XIRP1: variants seen among roughly 807,000 people sequenced by gnomAD.
XIRP1 encodes xin actin binding repeat containing 1.
For missense variants in XIRP1, 2,378 were observed against 2,345.4 expected (o/e 1.01, Z -0.29); for synonymous variants, 984 against 947.0 (o/e 1.04, Z -0.72).
At position 39,184,740 on chromosome 3, in the gene XIRP1, C is replaced by T; in HGVS notation, c.4706G>A (p.Ser1569Asn). ...AGGTCCCTGGAAATGGCCTCTGGCA[C>T]TGGCCTCAGGCTGGAGGCTAGACAT... ...SSMSSLQPEA[S>N]ARGHFQGPPK... The change falls in exon 2 of 2, where the codon AGT (serine) becomes AAT (asparagine). Residue 1569 changes from serine (S) to asparagine (N), a missense_variant. Ser to Asn is a conservative substitution (Grantham distance 46). Coordinates refer to ENST00000340369, the MANE Select transcript of XIRP1 (RefSeq NM_194293.4). 1 of 1,614,266 alleles carries T rather than the reference C, an allele frequency of 6.2e-7. No homozygotes were observed. The highest frequency in any genetic ancestry group is 8.5e-7 in the Non-Finnish European group (1 of 1,180,044).
At chr3:39,190,088 G>A (rs918297955) in intron 1 of XIRP1, among the ~76,000 whole-genome samples, 1 of 152,244 alleles carries the variant, frequency 6.6e-6, no homozygotes. Flanking sequence ...GAGGCCAACA[G>A]CCCATGCTAG....
intron 1 of XIRP1, 89 bp from the exon 2 acceptor site, chr3:39,189,614 T>C (rs1373414790): frequency 1.6e-5 from 17 of 1,050,386 alleles, no homozygotes; most frequent in Non-Finnish European, 2.1e-5. Flanking sequence ...TCTATGTGCC[T>C]GGCCTGGGCT....
rs2040058253 is a variant in XIRP1, at chr3:39,189,530, G to A, written c.-80-5C>T. 6 of 1,513,612 alleles carry A rather than the reference G, an allele frequency of 4.0e-6. No homozygotes were observed. The highest frequency in any genetic ancestry group is 2.7e-5 in the South Asian group (2 of 74,746). The allele number at this position is 1,513,612 out of a possible 1,614,324, so 93.8% of individuals were successfully genotyped here. ...CAGCAGGGTAGAGGCTGGATGCTGG[G>A]AGAAATGGTAGTAAACAGGGCTCAG... On this transcript the variant is annotated splice_region_variant and splice_polypyrimidine_tract_variant and intron_variant, in intron 1 of 1. Coordinates refer to ENST00000340369, the MANE Select transcript of XIRP1 (RefSeq NM_194293.4).
chr3:39,187,426 G>A lies in XIRP1; in HGVS notation c.2020C>T (p.Pro674Ser). 1 of 1,614,164 alleles carries A rather than the reference G, an allele frequency of 6.2e-7. No individual in the cohort carries two copies. Among genetic ancestry groups the A allele is most frequent in the South Asian group, 1.1e-5 (1 of 91,072 alleles). ...ETEPLQASGRPCGRRPVRYCS... is the reference protein window; with the variant it reads ...ETEPLQASGRSCGRRPVRYCS... The stretch of plus-strand genomic sequence containing the variant: ...TATCTCACAGGCCGTCTTCCACAGG[G>A]ACGGCCTGAGGCCTGAAGAGGCTCG... The change falls in exon 2 of 2, where the codon CCC becomes TCC. Residue 674 changes from proline to serine, a missense_variant. Coordinates refer to ENST00000340369, the MANE Select transcript of XIRP1 (RefSeq NM_194293.4).
rs754535755 is a variant in XIRP1, at chr3:39,187,289, G to A, written c.2157C>T (p.Ser719=). The change falls in exon 2 of 2, where the codon TCC becomes TCT. Residue 719 remains serine (S), a synonymous_variant. Coordinates refer to ENST00000340369, the MANE Select transcript of XIRP1 (RefSeq NM_194293.4). ...ACTTGTGGACAGAACCCGCGGGGAT[G>A]GACCCAGCGATTACCCGGGGCTCCT... is the stretch of plus-strand genomic sequence containing the variant. The part of the protein sequence containing the change: ...EEQEPRVIAG[S]IPAGSVHKFT... The A allele has an allele frequency of 2.0e-5, 32 of 1,588,308 alleles. No homozygotes were observed. Among genetic ancestry groups the A allele is most frequent in the Non-Finnish European group, 2.7e-5 (31 of 1,166,130 alleles).
rs200628873 is a variant in XIRP1, at chr3:39,186,314, C to T, written c.3132G>A (p.Pro1044=). Residue 1044 remains proline (P), a synonymous_variant, in exon 2 of 2, where the codon CCG becomes CCA. Coordinates refer to ENST00000340369, the MANE Select transcript of XIRP1 (RefSeq NM_194293.4). The part of the protein sequence containing the change: ...GKSEGATTTP[P]GPGAPDLLAA... ...CCAGGAGGTCTGGGGCCCCAGGCCCCGGAGGGGTAGTCGTGGCTCCTTCTG... is the reference window on the plus strand; with the variant it reads ...CCAGGAGGTCTGGGGCCCCAGGCCCTGGAGGGGTAGTCGTGGCTCCTTCTG... 13 of 1,614,068 alleles carry T rather than the reference C, an allele frequency of 8.1e-6. No individual in the cohort carries two copies. Among genetic ancestry groups the T allele is most frequent in the African/African-American group, 4.0e-5 (3 of 75,018 alleles).
Position 39,188,732 on chromosome 3 carries a change from C to T in XIRP1, c.714G>A (p.Glu238=). 1.2e-6 allele frequency: 2 copies of T among 1,613,756 alleles called. No individual in the cohort carries two copies. The highest frequency in any genetic ancestry group is 8.5e-7 in the Non-Finnish European group (1 of 1,180,048). The part of the protein sequence containing the change: ...VKKTVKLFQT[E]PLCAIQDAEG... The stretch of plus-strand genomic sequence containing the variant: ...CTGCATCCTGGATGGCACACAGGGG[C>T]TCCGTTTGGAAGAGCTTCACTGTCT... The change falls in exon 2 of 2, where the codon GAG becomes GAA. Residue 238 remains glutamate (E), a synonymous_variant. Coordinates refer to ENST00000340369, the MANE Select transcript of XIRP1 (RefSeq NM_194293.4).
At position 39,188,373 on chromosome 3, in the gene XIRP1, T is replaced by A; in HGVS notation, c.1073A>T (p.Lys358Met). Residue 358 changes from lysine (K) to methionine (M), a missense_variant, in exon 2 of 2, where the codon AAG (lysine) becomes ATG (methionine). Physicochemically the swap from Lys to Met is moderately conservative, Grantham distance 95. Transcript: ENST00000340369. Reference protein sequence around the residue: ...LFETRALDTLKGDEEAGAEAP... With the variant: ...LFETRALDTLMGDEEAGAEAP... Reference sequence around the variant, plus strand: ...CTCTGCTCCAGCCTCTTCGTCCCCCTTCAGAGTGTCCAGCGCTCGGGTCTC... The same window carrying A: ...CTCTGCTCCAGCCTCTTCGTCCCCCATCAGAGTGTCCAGCGCTCGGGTCTC... 1 of 1,614,014 alleles carries A rather than the reference T, an allele frequency of 6.2e-7. No homozygotes were observed. The highest frequency in any genetic ancestry group is 8.5e-7 in the Non-Finnish European group (1 of 1,179,894).
Position 39,189,644 on chromosome 3 carries a change from G to T in XIRP1, c.-80-119C>A. 5.3e-6 allele frequency: 4 copies of T among 747,814 alleles called. 1 individual carries two copies. The highest frequency in any genetic ancestry group is 8.2e-6 in the Non-Finnish European group (4 of 485,168). 46.3% of individuals were successfully genotyped at this position (747,814 alleles called of 1,614,324 possible). A position where few individuals can be genotyped will look rare whatever the true frequency, so the allele number is the denominator to read the frequency against. On this transcript the variant is annotated intron_variant, in intron 1 of 1. Coordinates refer to ENST00000340369, the MANE Select transcript of XIRP1 (RefSeq NM_194293.4). ...TGGGCTTCACTTCGCTGCCTGCATG[G>T]TTCGTGGGCAACAGGTCTTGAACTT...
At position 39,184,991 on chromosome 3, in the gene XIRP1, G is replaced by A. The variant is rs149700763; in HGVS notation, c.4455C>T (p.Ala1485=). The change falls in exon 2 of 2, where the codon GCC becomes GCT. Residue 1485 remains alanine (A), a synonymous_variant. Transcript: ENST00000340369. ...LNQVQALEKE[A]ASSVDVQALR... is the part of the protein sequence containing the mutation. The stretch of plus-strand genomic sequence containing the variant: ...GGGCCTGCACGTCCACACTGCTTGC[G>A]GCCTCCTTCTCCAGGGCTTGCACCT... The A allele has an allele frequency of 2.0e-6, 3 of 1,522,168 alleles. No homozygotes were observed. Among genetic ancestry groups the A allele is most frequent in the Non-Finnish European group, 2.6e-6 (3 of 1,137,900 alleles). 94.3% of individuals were successfully genotyped at this position (1,522,168 alleles called of 1,614,324 possible). A position where few individuals can be genotyped will look rare whatever the true frequency, so the allele number is the denominator to read the frequency against.
Position 39,184,175 on chromosome 3 carries a change from C to T in XIRP1, c.5271G>A (p.Gly1757=), listed in dbSNP as rs200417934. 1 of 1,614,122 alleles carries T rather than the reference C, an allele frequency of 6.2e-7. No individual in the cohort carries two copies. Among genetic ancestry groups the T allele is most frequent in the African/African-American group, 1.3e-5 (1 of 75,038 alleles). ...KSVLELQTGP[G]SSQHYGAMRT... ...TCATGGCTCCATAGTGTTGTGAGCT[C>T]CCTGGCCCCGTCTGTAGCTCCAGAA... The change falls in exon 2 of 2, where the codon GGG becomes GGA. Residue 1757 remains glycine (G), a synonymous_variant. Coordinates refer to ENST00000340369, the MANE Select transcript of XIRP1 (RefSeq NM_194293.4).
In XIRP1 at chr3:39,186,674, G is replaced by C. The variant is rs777545594; in HGVS notation, c.2772C>G (p.Ser924Arg). The C allele has an allele frequency of 6.2e-7, 1 of 1,613,722 alleles. No individual in the cohort carries two copies. The highest frequency in any genetic ancestry group is 1.3e-5 in the African/African-American group (1 of 74,930). ...PRLTSKASERSSVQLLASCID... is the reference protein window; with the variant it reads ...PRLTSKASERRSVQLLASCID... ...TGCAGCTGGCCAACAGCTGCACGCT[G>C]CTCCTCTCAGAGGCCTTGCTAGTTA... The change falls in exon 2 of 2, where the codon AGC (serine) becomes AGG (arginine). Residue 924 changes from serine (S) to arginine (R), a missense_variant. Transcript: ENST00000340369.
Position 39,185,309 on chromosome 3 carries a change from A to G in XIRP1, c.4137T>C (p.Thr1379=), listed in dbSNP as rs761190572. ...CCAGAGGTATGTGGCCCTGGTCTAC[A>G]GTAGTGGGAACCTTGGCTGGCTGAG... ...AIPQPAKVPT[T]VDQGHIPLAR... is the part of the protein sequence containing the mutation. The change falls in exon 2 of 2, where the codon ACT becomes ACC. Residue 1379 remains threonine (T), a synonymous_variant. Transcript: ENST00000340369. 2 of 1,614,160 alleles carry G rather than the reference A, an allele frequency of 1.2e-6. No individual in the cohort carries two copies. The highest frequency in any genetic ancestry group is 1.7e-6 in the Non-Finnish European group (2 of 1,180,024).
Position 39,185,043 on chromosome 3 carries a change from T to C in XIRP1, c.4403A>G (p.Gln1468Arg), listed in dbSNP as rs1313987008. The C allele has an allele frequency of 1.3e-6, 2 of 1,521,246 alleles. No individual in the cohort carries two copies. The highest frequency in any genetic ancestry group is 1.8e-6 in the Non-Finnish European group (2 of 1,138,026). The allele number at this position is 1,521,246 out of a possible 1,614,324, so 94.2% of individuals were successfully genotyped here. Residue 1468 changes from glutamine to arginine, a missense_variant, in exon 2 of 2, where the codon CAG becomes CGG. Physicochemically the swap from Gln to Arg is conservative, Grantham distance 43 (BLOSUM62 1). Transcript: ENST00000340369. ...GTTCAGGAGGCCCTGGAGCTCTTTC[T>C]GGTTTCTTTGCAGACTGTCAGGGCT... ...PESPDSLQRN[Q>R]KELQGLLNQV...
Position 39,183,612 on chromosome 3 carries a change from C to T in XIRP1, c.*302G>A. On this transcript the variant is annotated 3_prime_UTR_variant, in exon 2 of 2. Coordinates refer to ENST00000340369, the MANE Select transcript of XIRP1 (RefSeq NM_194293.4). ...AATTCACACATGTCGATGCGTGGGC[C>T]AGGCCTGTGTGAAAAACATGTGTGT... The T allele has an allele frequency of 2.6e-6, 1 of 388,106 alleles. No individual in the cohort carries two copies. The highest frequency in any genetic ancestry group is 4.6e-6 in the Non-Finnish European group (1 of 217,168). The allele number at this position is 388,106 out of a possible 1,614,324, so 24.0% of individuals were successfully genotyped here. A position where few individuals can be genotyped will look rare whatever the true frequency, so the allele number is the denominator to read the frequency against.
intron 1 of XIRP1, 126 bp from the exon 2 acceptor site, chr3:39,189,651 G>C: frequency 1.4e-6 from 1 of 708,552 alleles, no homozygotes; most frequent in Non-Finnish European, 2.2e-6. Context: ...ATGGTTCGTG[G>C]GCAACAGGTC....
In XIRP1 at chr3:39,191,623, G is replaced by A. The variant is rs560883336; in HGVS notation, c.-81+823C>T. 6.6e-5 allele frequency among the ~76,000 whole-genome samples: 10 copies of A among 152,342 alleles called. No individual in the cohort carries two copies. In the South Asian group the frequency reaches 1.9e-3, roughly 28 times the overall value. ...GCCTGGCTTGAGACTGCTGGGACAA[G>A]TGTAGAGTCAGGACAGAATTCATAA... On this transcript the variant is annotated intron_variant, in intron 1 of 1. Transcript: ENST00000340369.
In XIRP1 at chr3:39,187,262, G is replaced by T; in HGVS notation, c.2184C>A (p.Phe728Leu). 1 of 1,582,274 alleles carries T rather than the reference G, an allele frequency of 6.3e-7. No homozygotes were observed. Among genetic ancestry groups the T allele is most frequent in the Non-Finnish European group, 8.6e-7 (1 of 1,161,434 alleles). ...GSIPAGSVHKFTWLFENCPMG... is the reference protein window; with the variant it reads ...GSIPAGSVHKLTWLFENCPMG... ...TGGGACAATTCTCAAAAAGCCAAGT[G>T]AACTTGTGGACAGAACCCGCGGGGA... The change falls in exon 2 of 2, where the codon TTC (phenylalanine) becomes TTA (leucine). Residue 728 changes from phenylalanine (F) to leucine (L), a missense_variant. Transcript: ENST00000340369.
rs1209017528 is a variant in XIRP1 at position 39,187,532 on chromosome 3, T to A, written c.1914A>T (p.Pro638=). The change falls in exon 2 of 2, where the codon CCA becomes CCT. Residue 638 remains proline (P), a synonymous_variant. Transcript: ENST00000340369. ...WMFKPQPVDR[P]VGSREQHLQV... ...GCAGGTGCTGCTCCCTGGAGCCCAC[T>A]GGCCTGTCCACAGGTTGGGGCTTGA... 1.9e-6 allele frequency: 3 copies of A among 1,613,928 alleles called. No individual in the cohort carries two copies. The Admixed American group carries it at 5.0e-5, about 27-fold the overall frequency.
Sources: allele counts gnomAD v4.1 joint callset (sites outside exome capture counted in the v4.1 genomes callset), GRCh38; gene constraint gnomAD v4.1.1; transcripts MANE v1.5; gene names NCBI Gene and HGNC (gene_info 2026-07-23, HGNC 2026-07-21).